Variants in TMEM45A observed in about 807,000 individuals in gnomAD.
The protein encoded by TMEM45A is DNA polymerase-transactivated protein 4.
TMEM45A carries 25 observed loss-of-function variants against 32.0 expected under a neutral mutation model. The ratio of observed to expected loss-of-function variants is 0.78; its 90% CI spans 0.57 to 1.09. TMEM45A has a LOEUF of 1.09. Among genes scored for constraint, TMEM45A ranks in the 50% least tolerant of loss-of-function variants. TMEM45A has a pLI of 0.00. For missense variants in TMEM45A, 302 were observed against 325.0 expected (o/e 0.93, Z 0.54); for synonymous variants, 122 against 114.8 (o/e 1.06, Z -0.40).
At chr3:100,537,677 A>T (rs62278361) in intron 1 of TMEM45A, among the ~76,000 whole-genome samples, 54,894 of 152,136 alleles carry the variant, frequency 0.36, 10,697 homozygotes, top group Middle Eastern at 0.47. Context: ...AGGCGAGGCC[A>T]TAAGAACAGG....
At chr3:100,566,702 A>G (rs1055479441) in intron 4 of TMEM45A, among the ~76,000 whole-genome samples, 1 of 152,162 alleles carries the variant, frequency 6.6e-6, no homozygotes, top group Non-Finnish European at 1.5e-5. Flanking sequence ...TAATGAATAA[A>G]AAATGGTATC....
In TMEM45A at chr3:100,575,363, C is replaced by CTTTTTTTTTTTTT. The variant is rs59739893; in HGVS notation, c.735-1547_735-1535dup. 1.0e-3 allele frequency among the ~76,000 whole-genome samples: 65 copies of CTTTTTTTTTTTTT among 62,764 alleles called. 3 individuals carry two copies. Among genetic ancestry groups the CTTTTTTTTTTTTT allele is most frequent in the African/African-American group, 3.4e-3 (63 of 18,634 alleles). 41.2% of individuals were successfully genotyped at this position (62,764 alleles called of 152,430 possible). A position where few individuals can be genotyped will look rare whatever the true frequency, so the allele number is the denominator to read the frequency against. On this transcript the variant is annotated intron_variant, in intron 5 of 5. Coordinates refer to ENST00000323523, the MANE Select transcript of TMEM45A (RefSeq NM_018004.3). ...TGCTTCCCCCAGGCCTATGGATTCT[C>CTTTTTTTTTTTTT]TTTTTTTTTTTTTTTTTTTTTTTTT...
At chr3:100,567,895 C>T (rs1706476188) in intron 4 of TMEM45A, among the ~76,000 whole-genome samples, 1 of 152,148 alleles carries the variant, frequency 6.6e-6, no homozygotes, top group African/African-American at 2.4e-5. Flanking sequence ...CGCCATTCTC[C>T]TGCCTCAGCC....
chr3:100,574,471 A>C (rs948111703), intron 5 of TMEM45A: 1 of 152,258 alleles, frequency 6.6e-6, no homozygotes, highest in African/African-American at 2.4e-5. Flanking sequence ...ATCTCTGAAT[A>C]GACCAATAAC....
chr3:100,496,625 G>A lies in TMEM45A; in HGVS notation c.-4+3697G>A, dbSNP rs564695387. ...GATTTGGTAAAATTTGCCTGGCGGG[G>A]GCCAGAATATCAATGTGAATCTTGT... On this transcript the variant is annotated intron_variant, in intron 1 of 5. Transcript: ENST00000323523. Among the ~76,000 whole-genome samples, 4 of 152,336 alleles carry A rather than the reference G, an allele frequency of 2.6e-5. No homozygotes were observed. The East Asian group carries it at 7.7e-4, about 29-fold the overall frequency.
chr3:100,513,772 G>A (rs1260582793), intron 1 of TMEM45A, among the ~76,000 whole-genome samples: 3 of 152,292 alleles, frequency 2.0e-5, no homozygotes, highest in African/African-American at 7.2e-5. Flanking sequence ...AGCAACTTCA[G>A]CAAAGTCTCA....
At chr3:100,493,824 C>T (rs531731430) in intron 1 of TMEM45A, among the ~76,000 whole-genome samples, 2 of 152,218 alleles carry the variant, frequency 1.3e-5, no homozygotes, top group South Asian at 2.1e-4. Context: ...CTCTGCCTCC[C>T]GGGTTCAAGT....
chr3:100,500,408 C>T (rs1195009898), intron 1 of TMEM45A, among the ~76,000 whole-genome samples: 2 of 151,460 alleles, frequency 1.3e-5, no homozygotes, highest in Non-Finnish European at 2.9e-5. Flanking sequence ...TATTGGGTTA[C>T]ATTTGTTGAA....
chr3:100,546,638 T>C (rs975324919), intron 1 of TMEM45A, among the ~76,000 whole-genome samples: 20 of 152,332 alleles, frequency 1.3e-4, no homozygotes, highest in Admixed American at 3.9e-4. Flanking sequence ...TTGACTACAG[T>C]GGTGGTAAGT....
intron 1 of TMEM45A, among the ~76,000 whole-genome samples, chr3:100,552,005 T>A (rs1706115874): frequency 6.6e-6 from 1 of 152,128 alleles, no homozygotes; most frequent in South Asian, 2.1e-4. Context: ...TCTTAGCTTG[T>A]CATAGGGGTG....
At chr3:100,555,026 T>C (rs1479991990) in intron 1 of TMEM45A, among the ~76,000 whole-genome samples, 183 bp from the exon 2 acceptor site, 1 of 152,218 alleles carries the variant, frequency 6.6e-6, no homozygotes, top group Non-Finnish European at 1.5e-5. Context: ...TTTGTTTTTA[T>C]TGGTATTATG....
At chr3:100,529,919 A>G (rs1027828846) in intron 1 of TMEM45A, among the ~76,000 whole-genome samples, 12 of 152,140 alleles carry the variant, frequency 7.9e-5, no homozygotes, top group Non-Finnish European at 1.8e-4. Flanking sequence ...ATGCTAGGCC[A>G]ACCTTGATTT....
At chr3:100,575,363 CTTTTTTTTTTTTTTT>C (rs59739893) in intron 5 of TMEM45A, among the ~76,000 whole-genome samples, 3 of 62,762 alleles carry the variant, frequency 4.8e-5, no homozygotes, top group South Asian at 9.3e-4. Flanking sequence ...TATGGATTCT[CTTTTTTTTTTTTTTT>C]TTTTTTTTTT....
chr3:100,565,038 G>C (rs530101421), intron 4 of TMEM45A, among the ~76,000 whole-genome samples: 3 of 152,290 alleles, frequency 2.0e-5, no homozygotes, highest in Non-Finnish European at 2.9e-5. Flanking sequence ...AAGAGTATGG[G>C]TGGGAGAAAG....
intron 4 of TMEM45A, among the ~76,000 whole-genome samples, chr3:100,567,557 G>A (rs1335156463): frequency 5.1e-5 from 6 of 117,272 alleles, no homozygotes; most frequent in African/African-American, 2.1e-4. Flanking sequence ...TTGGAATTTT[G>A]ATGGCAATTG....
intron 1 of TMEM45A, among the ~76,000 whole-genome samples, chr3:100,536,366 C>A (rs1215207273): frequency 6.6e-6 from 1 of 152,162 alleles, no homozygotes; most frequent in Non-Finnish European, 1.5e-5. Context: ...CTTGGTGTAG[C>A]CACTGCTGGT....
intron 4 of TMEM45A, among the ~76,000 whole-genome samples, chr3:100,563,517 A>G (rs1443688056): frequency 1.3e-5 from 2 of 152,120 alleles, no homozygotes; most frequent in Non-Finnish European, 2.9e-5. Flanking sequence ...GGACTGATGG[A>G]TGGGATCTGG....
At chr3:100,510,348 A>G (rs976459571) in intron 1 of TMEM45A, among the ~76,000 whole-genome samples, 1 of 152,232 alleles carries the variant, frequency 6.6e-6, no homozygotes, top group Non-Finnish European at 1.5e-5. Flanking sequence ...GGCACCCCCC[A>G]GCAGGGGCAG....
chr3:100,495,269 G>A (rs1707907108), intron 1 of TMEM45A, among the ~76,000 whole-genome samples: 1 of 152,214 alleles, frequency 6.6e-6, no homozygotes, highest in Admixed American at 6.5e-5. Context: ...TTGTAGGATG[G>A]CTTCACAGAA....
Sources: allele counts gnomAD v4.1 joint callset (sites outside exome capture counted in the v4.1 genomes callset), GRCh38; gene constraint gnomAD v4.1.1; transcripts MANE v1.5; gene names NCBI Gene and HGNC (gene_info 2026-07-23, HGNC 2026-07-21).